ANKFN1: variants seen among roughly 807,000 people sequenced by gnomAD.
ANKFN1 encodes the protein ankyrin repeat and fibronectin type III domain containing 1.
A neutral mutation model predicts 108.7 loss-of-function variants in ANKFN1; 74 were observed. That is an observed-to-expected ratio of 0.68 (90% confidence interval 0.56 to 0.83). ANKFN1 has a LOEUF of 0.83. Among genes scored for constraint, ANKFN1 ranks in the 40% least tolerant of loss-of-function variants. The pLI is 0.00. For missense variants in ANKFN1, 1,505 were observed against 1,382.3 expected (o/e 1.09, Z -1.41); for synonymous variants, 547 against 516.2 (o/e 1.06, Z -0.81).
Position 56,293,301 on chromosome 17 carries a change from T to A in ANKFN1, c.54-32920T>A, listed in dbSNP as rs568454354. On this transcript the variant is annotated intron_variant, in intron 3 of 20. Transcript: ENST00000682825. ...ACAGGGCCAAACATATTTATCCTAA[T>A]CTTCTCCCCATCTTGTTTTGAATTC... Among the ~76,000 whole-genome samples the A allele has an allele frequency of 2.4e-4, 37 of 152,302 alleles. No individual in the cohort carries two copies. The South Asian group carries it at 7.1e-3, about 29-fold the overall frequency.
intron 1 of ANKFN1, among the ~76,000 whole-genome samples, chr17:56,187,003 A>G (rs1912277250): frequency 6.6e-6 from 1 of 152,214 alleles, no homozygotes; most frequent in African/African-American, 2.4e-5. Flanking sequence ...CCTAGGCAGT[A>G]CCATTCAGGA....
chr17:56,341,537 A>G (rs2192209), intron 4 of ANKFN1, among the ~76,000 whole-genome samples: 151,272 of 152,208 alleles, frequency 0.99, 75,172 homozygotes, highest in East Asian at 1. Flanking sequence ...TTTATCAGAA[A>G]CCTTTTTTTC....
intron 20 of ANKFN1, among the ~76,000 whole-genome samples, chr17:56,506,949 A>C (rs2145480873): frequency 6.6e-6 from 1 of 152,326 alleles, no homozygotes; most frequent in Non-Finnish European, 1.5e-5. Flanking sequence ...TGTTAAACAA[A>C]ATAAAGCATT....
intron 4 of ANKFN1, among the ~76,000 whole-genome samples, chr17:56,116,242 A>G (rs902026672): frequency 6.6e-5 from 10 of 152,148 alleles, no homozygotes; most frequent in Non-Finnish European, 1.5e-4. Flanking sequence ...TTCAGGCATA[A>G]TGCTTTATTC....
At chr17:56,170,807 T>TATATATATATATATATACACAC (rs1361307404) in intron 1 of ANKFN1, among the ~76,000 whole-genome samples, 1 of 61,460 alleles carries the variant, frequency 1.6e-5, no homozygotes, top group Non-Finnish European at 2.8e-5. Flanking sequence ...TATATATATA[T>TATATATATATATATATACACAC]ACACACACAC....
At chr17:56,374,470 G>A (rs759916302) in intron 7 of ANKFN1, 131 bp from the exon 8 acceptor site, 53 of 682,734 alleles carry the variant, frequency 7.8e-5, no homozygotes, top group Middle Eastern at 3.6e-4. Context: ...ATGTTCAAAA[G>A]CGAAAGCTAT....
rs577849488 is a variant in ANKFN1 at position 56,080,033 on chromosome 17, AG to A, written c.288+33710del. 2.1e-3 allele frequency among the ~76,000 whole-genome samples: 322 copies of A among 152,352 alleles called. 2 individuals are homozygous for A. The highest frequency in any genetic ancestry group is 7.5e-3 in the African/African-American group (310 of 41,592). On this transcript the variant is annotated intron_variant, in intron 4 of 12. Coordinates refer to the ANKFN1 transcript ENST00000635860. Reference sequence around the variant, plus strand: ...ATGTCTGAGAAACAAGAAACAAAAAAGGCTTGGTTACTCAGAGATTAATGGA... The same window carrying A: ...ATGTCTGAGAAACAAGAAACAAAAAAGCTTGGTTACTCAGAGATTAATGGA...
chr17:56,335,824 C>T (rs2045792175), intron 4 of ANKFN1, among the ~76,000 whole-genome samples: 1 of 152,172 alleles, frequency 6.6e-6, no homozygotes, highest in African/African-American at 2.4e-5. Context: ...CCAGTTTCTG[C>T]CCATTCAGTA....
chr17:56,296,649 A>C (rs1471911246), intron 3 of ANKFN1, among the ~76,000 whole-genome samples: 1 of 152,150 alleles, frequency 6.6e-6, no homozygotes, highest in Admixed American at 6.5e-5. Flanking sequence ...ACACCACTGC[A>C]CTCCAGCCTG....
chr17:56,075,554 C>T (rs1905171947), intron 4 of ANKFN1, among the ~76,000 whole-genome samples: 1 of 151,992 alleles, frequency 6.6e-6, no homozygotes, highest in Non-Finnish European at 1.5e-5. Context: ...AATGGAGGTA[C>T]TTTGAGATGA....
At chr17:56,132,581 G>T (rs1295208770) in intron 4 of ANKFN1, among the ~76,000 whole-genome samples, 2 of 152,142 alleles carry the variant, frequency 1.3e-5, no homozygotes, top group Non-Finnish European at 2.9e-5. Context: ...ATTGGGAAAA[G>T]TCATGCCTTA....
intron 8 of ANKFN1, among the ~76,000 whole-genome samples, chr17:56,396,416 C>G (rs1042527919): frequency 2.0e-5 from 3 of 152,180 alleles, no homozygotes; most frequent in Admixed American, 6.5e-5. Flanking sequence ...CCACTGCTCT[C>G]CATCCTGAGC....
chr17:56,197,231 AACAC>A (rs1302483927), intron 1 of ANKFN1, among the ~76,000 whole-genome samples: 1 of 152,204 alleles, frequency 6.6e-6, no homozygotes, highest in Non-Finnish European at 1.5e-5. Context: ...CATTTATAAA[AACAC>A]AGACCTATCT....
chr17:56,442,326 T>C (rs986461597), intron 9 of ANKFN1, among the ~76,000 whole-genome samples: 3 of 152,186 alleles, frequency 2.0e-5, no homozygotes, highest in African/African-American at 7.2e-5. Context: ...CACAGTGAAA[T>C]GTATGCAGAC....
Position 56,511,135 on chromosome 17 carries a change from G to A in ANKFN1, c.3307G>A (p.Asp1103Asn). 6.5e-7 allele frequency: 1 copy of A among 1,536,030 alleles called. No individual in the cohort carries two copies. The highest frequency in any genetic ancestry group is 8.7e-7 in the Non-Finnish European group (1 of 1,146,870). The change falls in exon 21 of 21, where the codon GAC becomes AAC. Residue 1103 changes from aspartate to asparagine, a missense_variant. Asp to Asn is a conservative substitution (Grantham distance 23). Coordinates refer to ENST00000682825, the MANE Select transcript of ANKFN1 (RefSeq NM_001370326.1). ...CTACGCAGCGGCCGTGGTGGCCCAG[G>A]ACGAAAAACCATGGGCAAGCTTGAG... ...EPYAAAVVAQDEKPWASLSPP... is the reference protein window; with the variant it reads ...EPYAAAVVAQNEKPWASLSPP...
chr17:56,479,139 T>G (rs1036448623), intron 16 of ANKFN1, among the ~76,000 whole-genome samples: 1 of 152,226 alleles, frequency 6.6e-6, no homozygotes, highest in African/African-American at 2.4e-5. Flanking sequence ...GCTTGAACTC[T>G]ATCTCCTAGT....
chr17:56,447,651 A>G (rs2049342530), intron 10 of ANKFN1, among the ~76,000 whole-genome samples: 1 of 152,122 alleles, frequency 6.6e-6, no homozygotes, highest in South Asian at 2.1e-4. Flanking sequence ...TTCATAGGTA[A>G]TCAGCTGATA....
intron 14 of ANKFN1, among the ~76,000 whole-genome samples, chr17:56,462,820 C>T (rs1336808804): frequency 6.6e-6 from 1 of 152,204 alleles, no homozygotes; most frequent in Non-Finnish European, 1.5e-5. Context: ...CTCCAATCCA[C>T]TTTCCATACT....
intron 4 of ANKFN1, among the ~76,000 whole-genome samples, chr17:56,105,454 C>G (rs1016310647): frequency 6.6e-6 from 1 of 152,110 alleles, no homozygotes; most frequent in Non-Finnish European, 1.5e-5. Flanking sequence ...TGTTCCCTCT[C>G]TCTCTCACTC....
Sources: allele counts gnomAD v4.1 joint callset (sites outside exome capture counted in the v4.1 genomes callset), GRCh38; gene constraint gnomAD v4.1.1; transcripts MANE v1.5; gene names NCBI Gene and HGNC (gene_info 2026-07-23, HGNC 2026-07-21).